SNCAIP: variants seen among roughly 807,000 people sequenced by gnomAD.
SNCAIP encodes synphilin-1.
In SNCAIP, 43 loss-of-function variants were observed where a neutral mutation model predicts 86.7. The ratio of observed to expected loss-of-function variants is 0.50; its 90% CI spans 0.39 to 0.64. SNCAIP has a LOEUF of 0.64. SNCAIP is among the 30% of genes least tolerant of loss of function. The probability of loss-of-function intolerance (pLI) is 0.00; values close to 1 mark genes in which losing one functional copy is unlikely to be tolerated. For missense variants in SNCAIP, 981 were observed against 1,103.1 expected (o/e 0.89, Z 1.57); for synonymous variants, 417 against 427.2 (o/e 0.98, Z 0.29).
chr5:122,444,168 T>C (rs1158470214), intron 7 of SNCAIP: 1 of 461,588 alleles, frequency 2.2e-6, no homozygotes, highest in East Asian at 6.8e-5. Context: ...CCAAATCCAG[T>C]TACTAGAGCC....
At chr5:122,450,490 C>T in intron 9 of SNCAIP, 43 bp from the exon 10 acceptor site, 1 of 1,401,876 alleles carries the variant, frequency 7.1e-7, no homozygotes. Context: ...GTCATTTCAA[C>T]CCAGTAGGAA....
At chr5:122,424,767 C>T (rs958576484) in intron 4 of SNCAIP, among the ~76,000 whole-genome samples, 9 of 152,254 alleles carry the variant, frequency 5.9e-5, no homozygotes, top group Admixed American at 1.3e-4. Flanking sequence ...TCTCTATCAA[C>T]GAGTTCATAG....
At chr5:122,443,074 A>G (rs1297579634) in intron 7 of SNCAIP, among the ~76,000 whole-genome samples, 1 of 152,220 alleles carries the variant, frequency 6.6e-6, no homozygotes. Context: ...TGAGAGCTCA[A>G]TACTGACATG....
chr5:122,418,063 T>G (rs1401072330), intron 3 of SNCAIP, among the ~76,000 whole-genome samples: 1 of 152,150 alleles, frequency 6.6e-6, no homozygotes, highest in Admixed American at 6.5e-5. Flanking sequence ...AGCCTGAGTC[T>G]CAGGCAGAGA....
chr5:122,431,597 A>G (rs1434125728), intron 5 of SNCAIP, among the ~76,000 whole-genome samples: 1 of 152,166 alleles, frequency 6.6e-6, no homozygotes, highest in African/African-American at 2.4e-5. Flanking sequence ...ACTTCTGGGG[A>G]TAATGGAAAT....
chr5:122,337,939 G>A (rs1446367076), intron 1 of SNCAIP, among the ~76,000 whole-genome samples: 1 of 152,142 alleles, frequency 6.6e-6, no homozygotes, highest in Non-Finnish European at 1.5e-5. Context: ...AAATTCGAGA[G>A]GACTTTAAGA....
intron 1 of SNCAIP, among the ~76,000 whole-genome samples, chr5:122,354,970 A>G (rs1239238343): frequency 2.6e-5 from 4 of 152,196 alleles, no homozygotes; most frequent in African/African-American, 7.2e-5. Context: ...TGCAAGTGCC[A>G]GGATATAAAG....
At chr5:122,327,243 T>C (rs901020499) in intron 1 of SNCAIP, among the ~76,000 whole-genome samples, 1 of 152,134 alleles carries the variant, frequency 6.6e-6, no homozygotes, top group African/African-American at 2.4e-5. Context: ...GGTAATAAAG[T>C]TCCTAATGGA....
chr5:122,324,323 A>G (rs1384517034), intron 1 of SNCAIP, among the ~76,000 whole-genome samples: 1 of 152,224 alleles, frequency 6.6e-6, no homozygotes, highest in Non-Finnish European at 1.5e-5. Flanking sequence ...GCTGGGGACC[A>G]GGATCACCAC....
At chr5:122,421,504 A>G (rs1776347880) in intron 3 of SNCAIP, among the ~76,000 whole-genome samples, 1 of 152,232 alleles carries the variant, frequency 6.6e-6, no homozygotes, top group Non-Finnish European at 1.5e-5. Context: ...AGTCATAGCC[A>G]GAGGCTATGG....
chr5:122,343,816 A>G (rs1758060275), intron 1 of SNCAIP, among the ~76,000 whole-genome samples: 1 of 152,196 alleles, frequency 6.6e-6, no homozygotes, highest in Admixed American at 6.5e-5. Flanking sequence ...GACAGTGCCC[A>G]GTGTCCCTTA....
chr5:122,441,069 A>G, intron 7 of SNCAIP: 1 of 292,060 alleles, frequency 3.4e-6, no homozygotes, highest in Non-Finnish European at 6.6e-6. Flanking sequence ...GGCACCAGAG[A>G]AACCACTACC....
chr5:122,338,943 G>A (rs200153904), intron 1 of SNCAIP, among the ~76,000 whole-genome samples: 7 of 152,152 alleles, frequency 4.6e-5, no homozygotes, highest in African/African-American at 1.7e-4. Context: ...AGCTCTCCTA[G>A]TAGATTAATA....
At chr5:122,377,494 CAGAGAGAGAG>C (rs3031391) in intron 1 of SNCAIP, among the ~76,000 whole-genome samples, 19 of 149,064 alleles carry the variant, frequency 1.3e-4, no homozygotes, top group East Asian at 2.0e-4. Flanking sequence ...GGGAGACAGA[CAGAGAGAGAG>C]AGAGAGAGAG....
In SNCAIP at chr5:122,392,871, A is replaced by G. The variant is rs76003327; in HGVS notation, c.57+1680A>G. ...CACTGAATTATACAATAATATTTATATGACCAATGGTGAAGAAAGAACTCA... is the reference window on the plus strand; with the variant it reads ...CACTGAATTATACAATAATATTTATGTGACCAATGGTGAAGAAAGAACTCA... On this transcript the variant is annotated intron_variant, in intron 2 of 10. Coordinates refer to ENST00000261368, the MANE Select transcript of SNCAIP (RefSeq NM_005460.4). 5.7e-4 allele frequency among the ~76,000 whole-genome samples: 87 copies of G among 152,350 alleles called. 1 individual carries two copies. In the East Asian group the frequency reaches 0.017, roughly 29 times the overall value.
chr5:122,410,240 C>A (rs112425147), intron 3 of SNCAIP, among the ~76,000 whole-genome samples: 1 of 152,066 alleles, frequency 6.6e-6, no homozygotes, highest in African/African-American at 2.4e-5. Flanking sequence ...ATTTTTTCCC[C>A]GAGGCATATT....
chr5:122,414,381 C>G (rs1774839444), intron 3 of SNCAIP, among the ~76,000 whole-genome samples: 1 of 152,086 alleles, frequency 6.6e-6, no homozygotes, highest in African/African-American at 2.4e-5. Flanking sequence ...CAGGCATGCA[C>G]CACCATGCCT....
At chr5:122,390,529 C>T (rs1213461174) in intron 1 of SNCAIP, among the ~76,000 whole-genome samples, 2 of 152,172 alleles carry the variant, frequency 1.3e-5, no homozygotes, top group Non-Finnish European at 2.9e-5. Context: ...CACTTAGATC[C>T]TCTTTCTTTC....
chr5:122,315,288 A>G (rs1751475694), intron 1 of SNCAIP, among the ~76,000 whole-genome samples: 1 of 152,242 alleles, frequency 6.6e-6, no homozygotes, highest in African/African-American at 2.4e-5. Context: ...CCAGGGTAAC[A>G]TAACGAGTGG....
Sources: allele counts gnomAD v4.1 joint callset (sites outside exome capture counted in the v4.1 genomes callset), GRCh38; gene constraint gnomAD v4.1.1; transcripts MANE v1.5; gene names NCBI Gene and HGNC (gene_info 2026-07-23, HGNC 2026-07-21).